Variants in SLC35D1 observed in about 807,000 individuals in gnomAD.
SLC35D1 encodes solute carrier family 35 member D1.
SLC35D1 carries 31 observed loss-of-function variants against 46.7 expected under a neutral mutation model. That is an observed-to-expected ratio of 0.66 (90% CI 0.50 to 0.90). SLC35D1 has a LOEUF of 0.90. Among genes scored for constraint, SLC35D1 ranks in the 40% least tolerant of loss-of-function variants. The pLI, the probability that SLC35D1 is intolerant of heterozygous loss-of-function variation, is 0.00. For synonymous variants in SLC35D1, 195 were observed against 164.6 expected, an observed-to-expected ratio of 1.18 and a Z score of -1.41; for missense variants, 397 against 426.2, an observed-to-expected ratio of 0.93 and a Z score of 0.60.
At chr1:67,004,731 T>C (rs777979817) in intron 11 of SLC35D1, among the ~76,000 whole-genome samples, 20 of 152,210 alleles carry the variant, frequency 1.3e-4, no homozygotes, top group Non-Finnish European at 4.4e-5. Context: ...CATGAGTATG[T>C]ATATCAATAT....
At chr1:66,975,147 A>G in the SLC35D1 span, among the ~76,000 whole-genome samples, 2 of 152,200 alleles carry the variant, frequency 1.3e-5, no homozygotes, top group Non-Finnish European at 2.9e-5. Context: ...AATCAGTGCT[A>G]CAGAATATTT....
intron 8 of SLC35D1, among the ~76,000 whole-genome samples, chr1:67,026,404 G>T (rs561100220): frequency 1.3e-5 from 2 of 152,114 alleles, no homozygotes; most frequent in East Asian, 3.9e-4. Context: ...GGATTTTTTT[G>T]TACTGTACTT....
At chr1:67,019,472 A>T (rs150935500) in intron 10 of SLC35D1, among the ~76,000 whole-genome samples, 66 of 152,298 alleles carry the variant, frequency 4.3e-4, no homozygotes, top group Admixed American at 2.7e-3. Flanking sequence ...GAAACCACAG[A>T]CTTTCTGGAT....
chr1:67,001,447 T>C lies in SLC35D1; in HGVS notation c.*2893A>G, dbSNP rs1393799295. On this transcript the variant is annotated 3_prime_UTR_variant, in exon 12 of 12. Transcript: ENST00000235345. ...GCCTGGCCAACTAGGGTTATTCCAA[T>C]CCATTTAGCCTTGACTAGAAGCAGA... 1 of 152,270 alleles carries C rather than the reference T, an allele frequency of 6.6e-6. No homozygotes were observed. The highest frequency in any genetic ancestry group is 1.9e-4 in the East Asian group (1 of 5,334). The allele number at this position is 152,270 out of a possible 1,614,324, so 9.4% of individuals were successfully genotyped here.
chr1:66,997,563 G>C (rs1667254428), downstream of SLC35D1, among the ~76,000 whole-genome samples: 1 of 118,140 alleles, frequency 8.5e-6, no homozygotes, highest in African/African-American at 3.1e-5. Flanking sequence ...AGATATATCT[G>C]TGTGTGTATA....
At position 67,000,210 on chromosome 1, in the gene SLC35D1, G is replaced by C. The variant is rs1667305661; in HGVS notation, c.*4130C>G. 6.6e-6 allele frequency: 1 copy of C among 150,970 alleles called. No individual in the cohort carries two copies. Among genetic ancestry groups the C allele is most frequent in the Non-Finnish European group, 1.5e-5 (1 of 67,848 alleles). 9.4% of individuals were successfully genotyped at this position (150,970 alleles called of 1,614,324 possible). A position where few individuals can be genotyped will look rare whatever the true frequency, so the allele number is the denominator to read the frequency against. ...GCAGGAGGATCACTTGAGCCTAGGA[G>C]TTTGAGACTGTGGTGAGCTGCTATG... is the stretch of plus-strand genomic sequence containing the variant. On this transcript the variant is annotated 3_prime_UTR_variant, in exon 12 of 12. Coordinates refer to ENST00000235345, the MANE Select transcript of SLC35D1 (RefSeq NM_015139.3).
intron 8 of SLC35D1, among the ~76,000 whole-genome samples, chr1:67,037,992 T>C (rs1668157901): frequency 6.6e-6 from 1 of 152,154 alleles, no homozygotes; most frequent in South Asian, 2.1e-4. Context: ...GCTTGCCAAG[T>C]AGGTCACTTG....
In SLC35D1 at chr1:67,009,288, T is replaced by C. The variant is rs2102238416; in HGVS notation, c.877-121A>G. On this transcript the variant is annotated intron_variant, in intron 10 of 11. Coordinates refer to ENST00000235345, the MANE Select transcript of SLC35D1 (RefSeq NM_015139.3). ...AAACAAATAAACAAAAGACAAACAA[T>C]GAAAACGCACCAACCCTAATAATAG... The C allele has an allele frequency of 9.3e-6, 4 of 429,398 alleles. No individual in the cohort carries two copies. In the South Asian group the frequency reaches 1.1e-4, roughly 12 times the overall value. 26.6% of individuals were successfully genotyped at this position (429,398 alleles called of 1,614,324 possible).
the SLC35D1 span, chr1:66,986,271 A>G: frequency 5.9e-4 from 854 of 1,437,102 alleles, 1 homozygote; most frequent in Non-Finnish European, 7.3e-4. Flanking sequence ...ATCCATCTGC[A>G]TAGCCTTGTA....
intron 8 of SLC35D1, among the ~76,000 whole-genome samples, chr1:67,026,396 A>AT (rs1427898961): frequency 1.3e-5 from 2 of 152,084 alleles, no homozygotes; most frequent in Non-Finnish European, 2.9e-5. Flanking sequence ...ATATTGCTGG[A>AT]TTTTTTTGTA....
At position 67,020,370 on chromosome 1, in the gene SLC35D1, T is replaced by C; in HGVS notation, c.875A>G (p.Lys292Arg). 1.9e-6 allele frequency: 3 copies of C among 1,590,826 alleles called. No individual in the cohort carries two copies. Among genetic ancestry groups the C allele is most frequent in the Non-Finnish European group, 2.6e-6 (3 of 1,158,874 alleles). Reference protein sequence around the residue: ...ALTTTIVGCIKNILITYIGMV... With the variant: ...ALTTTIVGCIRNILITYIGMV... ...AGCTAACAGTATTTTTCTACTTACC[T>C]TAATACAGCCAACTATTGTAGTTGT... is the stretch of plus-strand genomic sequence containing the variant. The change falls in exon 10 of 12, where the codon AAG becomes AGG. Residue 292 changes from lysine (K) to arginine (R), a missense_variant and splice_region_variant. Lys to Arg is a conservative substitution (Grantham distance 26). Transcript: ENST00000235345.
At chr1:67,022,585 T>C (rs1667831602) in intron 8 of SLC35D1, among the ~76,000 whole-genome samples, 1 of 152,198 alleles carries the variant, frequency 6.6e-6, no homozygotes, top group East Asian at 1.9e-4. Context: ...ACTGTAAATC[T>C]TTCTATACCA....
chr1:67,047,893 ATACT>A (rs1189853957), intron 6 of SLC35D1, among the ~76,000 whole-genome samples: 3 of 152,212 alleles, frequency 2.0e-5, no homozygotes, highest in Non-Finnish European at 4.4e-5. Context: ...AGGAACTCAA[ATACT>A]TAAACAATAG....
chr1:66,988,065 G>C, the SLC35D1 span: 1 of 152,264 alleles, frequency 6.6e-6, no homozygotes, highest in African/African-American at 2.4e-5. Context: ...TTAGGAGTGG[G>C]CACTTGGAAT....
downstream of SLC35D1, among the ~76,000 whole-genome samples, chr1:66,995,433 T>TAAAAAAAAAA (rs541234514): frequency 5.9e-4 from 21 of 35,808 alleles, 3 homozygotes; most frequent in East Asian, 2.9e-3. Flanking sequence ...CCTGCTACGC[T>TAAAAAAAAAA]AAAAAAAAAA....
chr1:67,042,957 G>A (rs1427146567), intron 7 of SLC35D1, among the ~76,000 whole-genome samples: 1 of 152,140 alleles, frequency 6.6e-6, no homozygotes, highest in African/African-American at 2.4e-5. Context: ...CAGCACTTTG[G>A]GAGGCTGAGG....
chr1:67,052,754 C>T lies in SLC35D1; in HGVS notation c.324+17G>A, dbSNP rs770348260. ...GACTTCATTTCACAAAATAAAGTAT[C>T]GCTTTTCTTCTTTTACCTTTCGAGG... On this transcript the variant is annotated intron_variant, in intron 3 of 11. Transcript: ENST00000235345. 6.2e-7 allele frequency: 1 copy of T among 1,612,420 alleles called. No homozygotes were observed. The highest frequency in any genetic ancestry group is 1.7e-5 in the Admixed American group (1 of 60,014).
the SLC35D1 span, chr1:66,988,255 ACT>A: frequency 4.6e-5 from 7 of 152,378 alleles, no homozygotes; most frequent in East Asian, 1.9e-4. Flanking sequence ...TCTAAAAATG[ACT>A]CTCTTCTCTC....
the SLC35D1 span, among the ~76,000 whole-genome samples, chr1:66,982,554 T>C: frequency 3.9e-5 from 6 of 152,100 alleles, no homozygotes; most frequent in Non-Finnish European, 8.8e-5. Context: ...ATTATTTTGA[T>C]TTCTTCTTTG....
Sources: gnomAD v4.1 joint callset for allele counts (sites outside exome capture counted in the v4.1 genomes callset) on GRCh38, gnomAD v4.1.1 for gene constraint, MANE v1.5 for transcripts, NCBI Gene and HGNC (gene_info 2026-07-23, HGNC 2026-07-21) for gene names.